The following LINGO2 variants were observed in gnomAD, a reference collection of about 807,000 sequenced individuals.
LINGO2 encodes leucine-rich repeat and immunoglobulin-like domain-containing nogo receptor-interacting protein 2.
In LINGO2, 14 loss-of-function variants were observed where a neutral mutation model predicts 30.6. The observed-to-expected ratio is 0.46, with a 90% CI of 0.30 to 0.72. LINGO2 has a LOEUF of 0.72. Among genes scored for constraint, LINGO2 ranks in the 30% least tolerant of loss-of-function variants. LINGO2 has a pLI of 0.07. For missense variants in LINGO2, 729 were observed against 751.7 expected (o/e 0.97, Z 0.35); for synonymous variants, 317 against 288.5 (o/e 1.10, Z -1.00).
At chr9:28,222,777 T>C (rs1459375611) in intron 4 of LINGO2, among the ~76,000 whole-genome samples, 1 of 152,140 alleles carries the variant, frequency 6.6e-6, no homozygotes, top group African/African-American at 2.4e-5. Flanking sequence ...GTAAGTCAAA[T>C]ACACAAACAG....
At chr9:28,281,826 A>G (rs1223142470) in intron 4 of LINGO2, among the ~76,000 whole-genome samples, 1 of 152,134 alleles carries the variant, frequency 6.6e-6, no homozygotes, top group Non-Finnish European at 1.5e-5. Flanking sequence ...ACTTGTTTCT[A>G]GACTAAAGCT....
intron 1 of LINGO2, among the ~76,000 whole-genome samples, chr9:28,640,704 G>A (rs1299352150): frequency 6.6e-6 from 1 of 151,878 alleles, no homozygotes; most frequent in African/African-American, 2.4e-5. Context: ...TCTCTGCATT[G>A]GTTATTCTAG....
chr9:28,277,381 C>G (rs575105989), intron 4 of LINGO2, among the ~76,000 whole-genome samples: 26 of 152,254 alleles, frequency 1.7e-4, no homozygotes, highest in Admixed American at 3.3e-4. Flanking sequence ...CCTTATCTTT[C>G]CCCCTCTCCT....
the LINGO2 span, among the ~76,000 whole-genome samples, chr9:29,171,714 C>A: frequency 6.6e-6 from 1 of 151,602 alleles, no homozygotes; most frequent in Non-Finnish European, 1.5e-5. Flanking sequence ...GAAAAATATT[C>A]CACATATATT....
chr9:28,132,757 G>A (rs188758128), intron 4 of LINGO2, among the ~76,000 whole-genome samples: 142 of 152,312 alleles, frequency 9.3e-4, no homozygotes, highest in Non-Finnish European at 1.6e-3. Context: ...GTTCCACTTT[G>A]TGTTATTAAG....
intron 5 of LINGO2, among the ~76,000 whole-genome samples, chr9:28,003,218 G>T (rs768310440): frequency 2.2e-4 from 34 of 152,120 alleles, no homozygotes; most frequent in Non-Finnish European, 4.4e-4. Context: ...TTTCTGCTTT[G>T]CAAACATTTA....
At chr9:28,777,318 T>A in the LINGO2 span, among the ~76,000 whole-genome samples, 3 of 152,124 alleles carry the variant, frequency 2.0e-5, no homozygotes, top group Non-Finnish European at 2.9e-5. Flanking sequence ...AAGGGAGGCA[T>A]AGAAACTTGA....
At chr9:28,717,191 C>A in the LINGO2 span, among the ~76,000 whole-genome samples, 1 of 151,796 alleles carries the variant, frequency 6.6e-6, no homozygotes, top group Non-Finnish European at 1.5e-5. Flanking sequence ...CTGCTTTAAC[C>A]CTATTGTCCA....
In LINGO2 at chr9:28,523,537, A is replaced by G. The variant is rs535232192; in HGVS notation, c.-364-47512T>C. Among the ~76,000 whole-genome samples the G allele has an allele frequency of 3.3e-5, 5 of 152,318 alleles. 1 individual carries two copies. Among genetic ancestry groups the G allele is most frequent in the African/African-American group, 1.2e-4 (5 of 41,596 alleles). Reference sequence around the variant, plus strand: ...ACTAACTGTAATCTTAGAGGACATAATCTTACATACAGAAAATTCTACTAG... The same window carrying G: ...ACTAACTGTAATCTTAGAGGACATAGTCTTACATACAGAAAATTCTACTAG... On this transcript the variant is annotated intron_variant, in intron 1 of 5. Transcript: ENST00000379992.
At chr9:28,012,136 A>G (rs184888919) in intron 5 of LINGO2, among the ~76,000 whole-genome samples, 2 of 152,266 alleles carry the variant, frequency 1.3e-5, no homozygotes, top group Admixed American at 1.3e-4. Flanking sequence ...TCCTCTTACC[A>G]CTGAGCAAAA....
chr9:28,261,121 T>C (rs1424436166), intron 4 of LINGO2, among the ~76,000 whole-genome samples: 1 of 151,980 alleles, frequency 6.6e-6, no homozygotes, highest in East Asian at 1.9e-4. Flanking sequence ...GATTAAATTA[T>C]TATGTAAAAA....
rs372531716 is a variant in LINGO2 at position 28,243,617 on chromosome 9, C to CAACA, written c.-87+51587_-87+51590dup. Among the ~76,000 whole-genome samples the CAACA allele has an allele frequency of 1.9e-3, 282 of 151,174 alleles. 2 individuals carry two copies. The highest frequency in any genetic ancestry group is 4.9e-3 in the African/African-American group (202 of 41,138). ...GAATATTTACCAAGCAAATGGAAAG[C>CAACA]AACAAACAAACAAACAAACAAACAA... On this transcript the variant is annotated intron_variant, in intron 4 of 5. Transcript: ENST00000379992.
At chr9:28,661,141 G>GAA (rs1449781131) in intron 1 of LINGO2, among the ~76,000 whole-genome samples, 17 of 150,096 alleles carry the variant, frequency 1.1e-4, no homozygotes, top group African/African-American at 3.0e-4. Context: ...ATAAGATGCA[G>GAA]AAAAATATAT....
chr9:28,555,700 C>G (rs1026264332), intron 1 of LINGO2, among the ~76,000 whole-genome samples: 1 of 151,832 alleles, frequency 6.6e-6, no homozygotes, highest in African/African-American at 2.4e-5. Context: ...ACCAAAAAAG[C>G]GAATTTTAGA....
At chr9:28,412,185 G>GAAAAAA (rs59158472) in intron 2 of LINGO2, among the ~76,000 whole-genome samples, 1 of 120,640 alleles carries the variant, frequency 8.3e-6, no homozygotes, top group Non-Finnish European at 1.7e-5. Flanking sequence ...ACTTGTAAGT[G>GAAAAAA]AAAAAAAAAA....
chr9:28,572,622 G>C (rs7856581), intron 1 of LINGO2, among the ~76,000 whole-genome samples: 19,466 of 151,982 alleles, frequency 0.13, 1,787 homozygotes, highest in African/African-American at 0.25. Context: ...GAAATTGAAG[G>C]ATTTAAGGGG....
chr9:28,629,406 A>G (rs1300604417), intron 1 of LINGO2, among the ~76,000 whole-genome samples: 1 of 152,058 alleles, frequency 6.6e-6, no homozygotes, highest in Admixed American at 6.6e-5. Flanking sequence ...CCTTTTCTTT[A>G]CGATCCTCTT....
chr9:28,579,319 T>A (rs913968479), intron 1 of LINGO2, among the ~76,000 whole-genome samples: 1 of 152,094 alleles, frequency 6.6e-6, no homozygotes, highest in African/African-American at 2.4e-5. Flanking sequence ...TTTAAGGAGA[T>A]GCCTTTCTGA....
intron 4 of LINGO2, among the ~76,000 whole-genome samples, chr9:28,078,267 T>G (rs1416466248): frequency 6.7e-6 from 1 of 148,900 alleles, no homozygotes. Flanking sequence ...CAGATAGAAC[T>G]GCAGGCATGC....
Sources: allele counts gnomAD v4.1 joint callset (sites outside exome capture counted in the v4.1 genomes callset), GRCh38; gene constraint gnomAD v4.1.1; transcripts MANE v1.5; gene names NCBI Gene and HGNC (gene_info 2026-07-23, HGNC 2026-07-21).